Variants in MMRN1 observed in about 807,000 individuals in gnomAD.
MMRN1 encodes multimerin 1.
Under a neutral mutation model 100.7 loss-of-function variants are expected in MMRN1, and 94 were observed. That is an observed-to-expected ratio of 0.93 (90% CI 0.79 to 1.11). MMRN1 has a LOEUF of 1.11. Ranked by LOEUF, MMRN1 falls within the 50% of genes least tolerant of loss-of-function variation. The probability of loss-of-function intolerance (pLI) is 0.00; values close to 1 mark genes in which losing one functional copy is unlikely to be tolerated. For missense variants in MMRN1, 1,606 were observed against 1,439.1 expected (o/e 1.12, Z -1.88); for synonymous variants, 575 against 505.0 (o/e 1.14, Z -1.86).
intron 1 of MMRN1, among the ~76,000 whole-genome samples, chr4:89,904,037 C>T (rs1442404924): frequency 6.6e-6 from 1 of 151,550 alleles, no homozygotes; most frequent in Non-Finnish European, 1.5e-5. Flanking sequence ...TTCTGATCTA[C>T]GAGGTGAAAA....
intron 6 of MMRN1, among the ~76,000 whole-genome samples, chr4:89,940,553 C>T (rs1722791410): frequency 6.6e-6 from 1 of 152,056 alleles, no homozygotes; most frequent in African/African-American, 2.4e-5. Flanking sequence ...ATAGAGGCAG[C>T]TGTGATGACT....
intron 1 of MMRN1, among the ~76,000 whole-genome samples, chr4:89,900,826 A>G (rs919671852): frequency 6.6e-5 from 10 of 152,100 alleles, no homozygotes; most frequent in African/African-American, 2.4e-4. Context: ...ACTGAAAGAA[A>G]GAAGGACCTT....
In MMRN1 at chr4:89,923,267, A is replaced by T. The variant is rs760368389; in HGVS notation, c.950A>T (p.Asp317Val). 1.4e-5 allele frequency: 22 copies of T among 1,613,436 alleles called. No individual in the cohort carries two copies. The highest frequency in any genetic ancestry group is 1.2e-5 in the Non-Finnish European group (14 of 1,179,488). ...AEQQQQQGCG[D>V]PEVMQKMTDQ... ...CAGCAGCAGCAGCAAGGCTGTGGTG[A>T]CCCAGGTCATAGATTGTAATTACTA... Residue 317 changes from aspartate (D) to valine (V), a missense_variant, in exon 4 of 8, where the codon GAC (aspartate) becomes GTC (valine). Physicochemically the swap from Asp to Val is radical, Grantham distance 152. Transcript: ENST00000264790.
At chr4:89,903,730 A>G (rs72657802) in intron 1 of MMRN1, among the ~76,000 whole-genome samples, 12,902 of 151,756 alleles carry the variant, frequency 0.085, 1,008 homozygotes, top group East Asian at 0.3. Context: ...TTTGCCAGAC[A>G]AAGTCATGGC....
In MMRN1 at chr4:89,895,261, A is replaced by T. The variant is rs771864874; in HGVS notation, c.290A>T (p.Asn97Ile). 1 of 1,613,888 alleles carries T rather than the reference A, an allele frequency of 6.2e-7. No individual in the cohort carries two copies. The highest frequency in any genetic ancestry group is 8.5e-7 in the Non-Finnish European group (1 of 1,179,908). Residue 97 changes from asparagine to isoleucine, a missense_variant, in exon 1 of 8, where the codon AAT (asparagine) becomes ATT (isoleucine). Physicochemically the swap from Asn to Ile is moderately radical, Grantham distance 149 (BLOSUM62 -3). Coordinates refer to ENST00000264790, the MANE Select transcript of MMRN1 (RefSeq NM_007351.3). ...AGTGCACCTGCTGAGGGTGTGAGAAATCAAACTCTCACATCCACAGAGAAA... is the reference window on the plus strand; with the variant it reads ...AGTGCACCTGCTGAGGGTGTGAGAATTCAAACTCTCACATCCACAGAGAAA... Reference protein sequence around the residue: ...ETSAPAEGVRNQTLTSTEKAE... With the variant: ...ETSAPAEGVRIQTLTSTEKAE...
At chr4:89,890,677 A>T (rs1308785134), upstream of MMRN1, among the ~76,000 whole-genome samples, 1 of 152,150 alleles carries the variant, frequency 6.6e-6, no homozygotes, top group Admixed American at 6.6e-5. Context: ...TTCTAAAATG[A>T]TCAAAAGAAA....
At chr4:89,943,933 G>A (rs1427040133) in intron 6 of MMRN1, among the ~76,000 whole-genome samples, 1 of 151,242 alleles carries the variant, frequency 6.6e-6, no homozygotes, top group Non-Finnish European at 1.5e-5. Context: ...AGTGAGCCGA[G>A]ATCATGCCAC....
At position 89,951,620 on chromosome 4, in the gene MMRN1, G is replaced by A; in HGVS notation, c.3134G>A (p.Cys1045Tyr). The part of the protein sequence containing the change: ...NIIYPEEYSS[C>Y]SRHPCQNGGT... ...TCCGTAACAGAGGAGTATTCAAGCT[G>A]TAGTCGGCATCCGTGCCAAAATGGG... Residue 1045 changes from cysteine to tyrosine, a missense_variant, in exon 7 of 8, where the codon TGT becomes TAT. By Grantham distance (194) the Cys-to-Tyr change is radical. Coordinates refer to ENST00000264790, the MANE Select transcript of MMRN1 (RefSeq NM_007351.3). 6.6e-7 allele frequency: 1 copy of A among 1,521,128 alleles called. No homozygotes were observed. The highest frequency in any genetic ancestry group is 8.8e-7 in the Non-Finnish European group (1 of 1,138,556). The allele number at this position is 1,521,128 out of a possible 1,614,324, so 94.2% of individuals were successfully genotyped here. A position where few individuals can be genotyped will look rare whatever the true frequency, so the allele number is the denominator to read the frequency against.
Position 89,927,797 on chromosome 4 carries a change from GT to G in MMRN1, c.959del (p.Val320GlyfsTer5). 1 of 1,609,846 alleles carries G rather than the reference GT, an allele frequency of 6.2e-7. No individual in the cohort carries two copies. Among genetic ancestry groups the G allele is most frequent in the Middle Eastern group, 1.7e-4 (1 of 6,040 alleles). ...QQQQGCGDPE[V>X]MQKMTDQVNY... is the part of the protein sequence containing the mutation. ...TCAATTTTCTCTTCTATATGCAGAA[GT>G]GATGCAAAAAATGACTGATCAGGTG... On this transcript the variant is annotated frameshift_variant, in exon 5 of 8. Coordinates refer to ENST00000264790, the MANE Select transcript of MMRN1 (RefSeq NM_007351.3). LOFTEE classifies it high-confidence loss of function.
intron 1 of MMRN1, among the ~76,000 whole-genome samples, chr4:89,907,864 A>G (rs1016058177): frequency 2.0e-5 from 3 of 147,208 alleles, no homozygotes; most frequent in Admixed American, 6.9e-5. Flanking sequence ...TTTTTACTCC[A>G]TATACTGGTC....
intron 4 of MMRN1, among the ~76,000 whole-genome samples, chr4:89,925,744 C>T (rs527551057): frequency 3.3e-5 from 5 of 152,076 alleles, no homozygotes; most frequent in South Asian, 2.1e-4. Context: ...GCAGGGGAAT[C>T]GCTTGAACCT....
In MMRN1 at chr4:89,936,484, C is replaced by A; in HGVS notation, c.2804C>A (p.Ser935Tyr). The A allele has an allele frequency of 6.2e-7, 1 of 1,613,212 alleles. No individual in the cohort carries two copies. Among genetic ancestry groups the A allele is most frequent in the Non-Finnish European group, 8.5e-7 (1 of 1,179,658 alleles). ...HEVLTMCHNA[S>Y]TSVSELNATI... ...GTTTTAACAATGTGTCACAATGCTT[C>A]TACAAGTGTGTCAGAACTGAATGCT... Residue 935 changes from serine to tyrosine, a missense_variant, in exon 6 of 8, where the codon TCT becomes TAT. Physicochemically the swap from Ser to Tyr is moderately radical, Grantham distance 144. Coordinates refer to ENST00000264790, the MANE Select transcript of MMRN1 (RefSeq NM_007351.3).
chr4:89,931,612 A>G (rs1722438128), intron 5 of MMRN1, among the ~76,000 whole-genome samples: 3 of 152,194 alleles, frequency 2.0e-5, no homozygotes, highest in East Asian at 3.8e-4. Context: ...ACAGTTCCAC[A>G]TGGCTGGGGA....
rs1297018269 is a variant in MMRN1 at position 89,951,668 on chromosome 4, C to CT, written c.3183dup (p.Ser1062Ter). On this transcript the variant is annotated frameshift_variant, in exon 7 of 8. Coordinates refer to ENST00000264790, the MANE Select transcript of MMRN1 (RefSeq NM_007351.3). LOFTEE classifies it high-confidence loss of function. ...GGGGGCACGTGCATAAATGGAAGAA[C>CT]TAGCTTTACCTGTGCCTGCAGACAT... 4 of 1,578,350 alleles carry CT rather than the reference C, an allele frequency of 2.5e-6. No individual in the cohort carries two copies. In the South Asian group the frequency reaches 3.5e-5, roughly 14 times the overall value.
Position 89,935,438 on chromosome 4 carries a change from G to C in MMRN1, c.1758G>C (p.Glu586Asp). 1 of 1,613,514 alleles carries C rather than the reference G, an allele frequency of 6.2e-7. No homozygotes were observed. Among genetic ancestry groups the C allele is most frequent in the Non-Finnish European group, 8.5e-7 (1 of 1,179,754 alleles). Residue 586 changes from glutamate to aspartate, a missense_variant, in exon 6 of 8, where the codon GAG (glutamate) becomes GAC (aspartate). Glu to Asp is a conservative substitution (Grantham distance 45). Coordinates refer to ENST00000264790, the MANE Select transcript of MMRN1 (RefSeq NM_007351.3). ...CCGTCTCTTTGGAGATGGAGAAAGA[G>C]TCTCTCAGAGGTGAATGTGAAGACA... ...NLTVSLEMEKESLRGECEDML... is the reference protein window; with the variant it reads ...NLTVSLEMEKDSLRGECEDML...
At chr4:89,883,263 C>T (rs1720861037) in intron 1 of MMRN1, among the ~76,000 whole-genome samples, 1 of 151,986 alleles carries the variant, frequency 6.6e-6, no homozygotes, top group African/African-American at 2.4e-5. Context: ...GTATCTCAGG[C>T]AAAATTCTTG....
chr4:89,944,399 A>T (rs1443807141), intron 6 of MMRN1, among the ~76,000 whole-genome samples: 3 of 152,244 alleles, frequency 2.0e-5, no homozygotes, highest in Non-Finnish European at 4.4e-5. Flanking sequence ...GCCAAGTGTT[A>T]TACCTGTGTG....
intron 3 of MMRN1, among the ~76,000 whole-genome samples, chr4:89,918,026 A>G (rs1274602612): frequency 6.6e-6 from 1 of 151,738 alleles, no homozygotes; most frequent in Non-Finnish European, 1.5e-5. Flanking sequence ...ATCAATGAAT[A>G]TTTATTGCAT....
intron 6 of MMRN1, among the ~76,000 whole-genome samples, chr4:89,947,432 T>A (rs1355904991): frequency 6.6e-6 from 1 of 152,246 alleles, no homozygotes; most frequent in Non-Finnish European, 1.5e-5. Flanking sequence ...CTTTTATTAA[T>A]TTGTCTATTC....
Sources: allele counts gnomAD v4.1 joint callset (sites outside exome capture counted in the v4.1 genomes callset), GRCh38; gene constraint gnomAD v4.1.1; transcripts MANE v1.5; gene names NCBI Gene and HGNC (gene_info 2026-07-23, HGNC 2026-07-21).